The following ALK variants were observed in gnomAD, a reference collection of about 807,000 sequenced individuals.
The protein encoded by ALK is ALK receptor tyrosine kinase, also known as ALK tyrosine kinase receptor.
Under a neutral mutation model 163.1 loss-of-function variants are expected in ALK, and 74 were observed. That is an observed-to-expected ratio of 0.45 (90% CI 0.38 to 0.55). The LOEUF is 0.55. ALK is among the 20% of genes least tolerant of loss of function. The probability of loss-of-function intolerance (pLI) is 0.00; values close to 1 mark genes in which losing one functional copy is unlikely to be tolerated. For missense variants in ALK, 2,063 were observed against 2,105.3 expected, an observed-to-expected ratio of 0.98 and a Z score of 0.39; for synonymous variants, 960 against 843.2, an observed-to-expected ratio of 1.14 and a Z score of -2.40.
chr2:29,449,638 T>A (rs1188579158), intron 4 of ALK, among the ~76,000 whole-genome samples: 1 of 152,232 alleles, frequency 6.6e-6, no homozygotes, highest in Non-Finnish European at 1.5e-5. Context: ...CCCAAGGGTC[T>A]GTCTGTAGAA....
intron 2 of ALK, among the ~76,000 whole-genome samples, chr2:29,704,628 C>T (rs73921167): frequency 0.03 from 4,606 of 152,210 alleles, 244 homozygotes; most frequent in African/African-American, 0.11. Context: ...TCAGATGGCT[C>T]AACTCACCTC....
At chr2:29,661,245 CAG>C (rs953543191) in intron 3 of ALK, among the ~76,000 whole-genome samples, 2 of 152,192 alleles carry the variant, frequency 1.3e-5, no homozygotes, top group African/African-American at 4.8e-5. Context: ...CTACAGGAAG[CAG>C]AGTCAGACGG....
At chr2:29,661,868 T>C (rs1677358141) in intron 3 of ALK, among the ~76,000 whole-genome samples, 1 of 152,188 alleles carries the variant, frequency 6.6e-6, no homozygotes, top group Admixed American at 6.5e-5. Context: ...TATATGTTTA[T>C]GGAGTATCAT....
At chr2:29,715,525 G>A (rs1048480339) in intron 2 of ALK, among the ~76,000 whole-genome samples, 3 of 152,328 alleles carry the variant, frequency 2.0e-5, no homozygotes, top group Admixed American at 1.3e-4. Context: ...GTAGGAGGCA[G>A]CTTAATAAGC....
chr2:29,239,492 C>T (rs1187741139), intron 13 of ALK, among the ~76,000 whole-genome samples, 188 bp downstream of exon 13: 1 of 152,106 alleles, frequency 6.6e-6, no homozygotes, highest in Non-Finnish European at 1.5e-5. Context: ...CCTGCCTCCC[C>T]CTAGCACAGG....
chr2:29,303,334 A>G (rs1666421213), intron 8 of ALK, among the ~76,000 whole-genome samples: 1 of 152,222 alleles, frequency 6.6e-6, no homozygotes, highest in African/African-American at 2.4e-5. Context: ...CCAATGAGAT[A>G]CCATCTCACA....
chr2:29,753,092 T>C (rs1454738573), intron 1 of ALK, among the ~76,000 whole-genome samples: 1 of 152,132 alleles, frequency 6.6e-6, no homozygotes, highest in Non-Finnish European at 1.5e-5. Flanking sequence ...GTTCTGCCCG[T>C]GGCAGAAACA....
intron 3 of ALK, among the ~76,000 whole-genome samples, chr2:29,609,574 T>C (rs1675633342): frequency 6.6e-6 from 1 of 152,202 alleles, no homozygotes. Flanking sequence ...ACCAATGCAG[T>C]GATCCCTGAA....
At chr2:29,844,845 C>G (rs1052270271) in intron 1 of ALK, among the ~76,000 whole-genome samples, 1 of 135,480 alleles carries the variant, frequency 7.4e-6, no homozygotes, top group Non-Finnish European at 1.6e-5. Context: ...CACCTTCACC[C>G]TGATAACCCC....
intron 3 of ALK, among the ~76,000 whole-genome samples, chr2:29,648,336 G>T (rs1320854032): frequency 1.3e-5 from 2 of 151,884 alleles, no homozygotes; most frequent in Middle Eastern, 3.2e-3. Context: ...AAAAAATTGT[G>T]GTGAAATATA....
At chr2:29,758,348 A>T (rs1041599743) in intron 1 of ALK, among the ~76,000 whole-genome samples, 38 of 152,104 alleles carry the variant, frequency 2.5e-4, no homozygotes, top group African/African-American at 8.7e-4. Flanking sequence ...AGGTAGAGGA[A>T]CAGCTGCCTG....
chr2:29,388,714 C>T (rs1669090446), intron 4 of ALK, among the ~76,000 whole-genome samples: 1 of 152,202 alleles, frequency 6.6e-6, no homozygotes, highest in Non-Finnish European at 1.5e-5. Flanking sequence ...CATGGAATGA[C>T]ACTGGTCCTT....
intron 5 of ALK, among the ~76,000 whole-genome samples, chr2:29,377,582 G>A (rs1035768343): frequency 1.3e-5 from 2 of 152,210 alleles, no homozygotes; most frequent in Admixed American, 6.5e-5. Context: ...TCTGGAACAG[G>A]TGGGTTCTAG....
chr2:29,831,620 C>T (rs1307473814), intron 1 of ALK, among the ~76,000 whole-genome samples: 1 of 152,182 alleles, frequency 6.6e-6, no homozygotes, highest in Non-Finnish European at 1.5e-5. Flanking sequence ...ACAACTTTTA[C>T]AACTCAAGTC....
chr2:29,605,632 G>T (rs1257629146), intron 3 of ALK, among the ~76,000 whole-genome samples: 1 of 152,186 alleles, frequency 6.6e-6, no homozygotes, highest in South Asian at 2.1e-4. Context: ...CTGGCAAGAA[G>T]GTGGCCGTCT....
intron 1 of ALK, among the ~76,000 whole-genome samples, chr2:29,721,100 AT>A (rs1313055387): frequency 2.6e-5 from 4 of 152,146 alleles, no homozygotes; most frequent in Non-Finnish European, 4.4e-5. Context: ...GGCATTATTG[AT>A]TTGCTAGCAA....
intron 3 of ALK, among the ~76,000 whole-genome samples, chr2:29,553,917 AT>A (rs1189986494): frequency 1.3e-5 from 2 of 151,914 alleles, no homozygotes; most frequent in Non-Finnish European, 2.9e-5. Context: ...TTCCTTGTTG[AT>A]TTGTAAGAAC....
chr2:29,632,719 G>T (rs957419398), intron 3 of ALK, among the ~76,000 whole-genome samples: 1 of 152,164 alleles, frequency 6.6e-6, no homozygotes, highest in Non-Finnish European at 1.5e-5. Flanking sequence ...AAGGAAAGAG[G>T]TTTAATGGAG....
chr2:29,648,999 C>T (rs907384614), intron 3 of ALK, among the ~76,000 whole-genome samples: 2 of 152,034 alleles, frequency 1.3e-5, no homozygotes, highest in African/African-American at 4.8e-5. Flanking sequence ...CTTCTAGGTC[C>T]CCAAATTGCA....
Sources: allele counts gnomAD v4.1 joint callset (sites outside exome capture counted in the v4.1 genomes callset), GRCh38; gene constraint gnomAD v4.1.1; transcripts MANE v1.5; gene names NCBI Gene and HGNC (gene_info 2026-07-23, HGNC 2026-07-21).